The following FARP1 variants were observed in gnomAD, a reference collection of about 807,000 sequenced individuals.
The protein encoded by FARP1 is FERM, ARH/RhoGEF and pleckstrin domain protein 1.
In FARP1, 52 loss-of-function variants were observed where a neutral mutation model predicts 128.8. The observed-to-expected ratio is 0.40, with a 90% CI of 0.32 to 0.51. The LOEUF (loss-of-function observed/expected upper bound fraction) is 0.51. Among genes scored for constraint, FARP1 ranks in the 20% least tolerant of loss-of-function variants. The probability of loss-of-function intolerance (pLI) is 0.45; values close to 1 mark genes in which losing one functional copy is unlikely to be tolerated. For synonymous variants in FARP1, 580 were observed against 551.8 expected, an observed-to-expected ratio of 1.05 and a Z score of -0.72; for missense variants, 1,333 against 1,367.9, an observed-to-expected ratio of 0.97 and a Z score of 0.40.
chr13:98,343,847 C>G lies in FARP1; in HGVS notation c.257C>G (p.Pro86Arg), dbSNP rs138316269. 104 of 1,611,390 alleles carry G rather than the reference C, an allele frequency of 6.5e-5. No individual in the cohort carries two copies. Among genetic ancestry groups the G allele is most frequent in the Non-Finnish European group, 7.6e-5 (90 of 1,178,638 alleles). The change falls in exon 3 of 27, where the codon CCT becomes CGT. Residue 86 changes from proline to arginine, a missense_variant. Physicochemically the swap from Pro to Arg is moderately radical, Grantham distance 103. Coordinates refer to ENST00000319562, the MANE Select transcript of FARP1 (RefSeq NM_005766.4). ...VEGDYFGLEFPDHKKITVWLD... is the reference protein window; with the variant it reads ...VEGDYFGLEFRDHKKITVWLD... ...GGTGACTATTTTGGCCTCGAGTTTC[C>G]TGATCACAAAAAGATCACGGTAGGT...
Position 98,448,437 on chromosome 13 carries a change from C to T in FARP1, c.*120C>T. On this transcript the variant is annotated 3_prime_UTR_variant, in exon 27 of 27. Transcript: ENST00000319562. Reference sequence around the variant, plus strand: ...GAAAATCAAAAACATGGCTTCCCAGCAGCTCTCCTGTCTCCACAGCCGCGT... The same window carrying T: ...GAAAATCAAAAACATGGCTTCCCAGTAGCTCTCCTGTCTCCACAGCCGCGT... The T allele has an allele frequency of 7.2e-6, 6 of 828,330 alleles. No homozygotes were observed. Among genetic ancestry groups the T allele is most frequent in the Non-Finnish European group, 8.1e-6 (4 of 494,358 alleles). 51.3% of individuals were successfully genotyped at this position (828,330 alleles called of 1,614,324 possible). A position where few individuals can be genotyped will look rare whatever the true frequency, so the allele number is the denominator to read the frequency against.
At chr13:98,436,379 C>T (rs1351143003) in intron 19 of FARP1, among the ~76,000 whole-genome samples, 2 of 152,192 alleles carry the variant, frequency 1.3e-5, no homozygotes, top group Non-Finnish European at 2.9e-5. Context: ...GCCATCATCA[C>T]CCAGGAATCA....
intron 9 of FARP1, 110 bp from the exon 10 acceptor site, chr13:98,389,847 T>C (rs1164648133): frequency 9.6e-6 from 10 of 1,045,572 alleles, no homozygotes; most frequent in African/African-American, 1.6e-5. Context: ...TATAATAAAA[T>C]ACACAGCGAA....
chr13:98,407,203 T>G (rs1212688052), intron 13 of FARP1: 1 of 152,668 alleles, frequency 6.6e-6, no homozygotes, highest in Non-Finnish European at 1.5e-5. Flanking sequence ...GCCCCGGATG[T>G]TGCCAGATTA....
chr13:98,386,387 A>G (rs904387346), intron 8 of FARP1, among the ~76,000 whole-genome samples: 1 of 152,126 alleles, frequency 6.6e-6, no homozygotes, highest in African/African-American at 2.4e-5. Context: ...TTAAAGACAT[A>G]ATGATTCTCT....
chr13:98,249,226 T>C (rs1167279091), intron 2 of FARP1, among the ~76,000 whole-genome samples: 1 of 152,110 alleles, frequency 6.6e-6, no homozygotes, highest in Admixed American at 6.5e-5. Flanking sequence ...TGGGTGCTCA[T>C]TTAGACGAAT....
intron 2 of FARP1, among the ~76,000 whole-genome samples, chr13:98,285,069 A>T (rs998908780): frequency 6.6e-6 from 1 of 152,158 alleles, no homozygotes; most frequent in African/African-American, 2.4e-5. Flanking sequence ...AAAAGGTGCG[A>T]GTATTATTAT....
chr13:98,397,163 T>C (rs1370575415), intron 13 of FARP1: 1 of 152,220 alleles, frequency 6.6e-6, no homozygotes, highest in Non-Finnish European at 1.5e-5. Flanking sequence ...TAGGGATTGC[T>C]GGTTTGGTTT....
chr13:98,237,766 T>A (rs1428142922), intron 2 of FARP1, among the ~76,000 whole-genome samples: 6 of 152,184 alleles, frequency 3.9e-5, no homozygotes, highest in Non-Finnish European at 8.8e-5. Context: ...TAGCATAGAT[T>A]GAGGACTGCA....
At chr13:98,181,639 TATTTGA>T (rs914005604) in intron 1 of FARP1, among the ~76,000 whole-genome samples, 17 of 62,546 alleles carry the variant, frequency 2.7e-4, no homozygotes, top group African/African-American at 2.6e-4. Flanking sequence ...TTTATTTATT[TATTTGA>T]GAGAGAGAGA....
At chr13:98,212,331 C>G (rs1880774474) in intron 1 of FARP1, among the ~76,000 whole-genome samples, 1 of 152,200 alleles carries the variant, frequency 6.6e-6, no homozygotes, top group Non-Finnish European at 1.5e-5. Flanking sequence ...GCTGGGATTA[C>G]AGGCGTGAGC....
intron 2 of FARP1, among the ~76,000 whole-genome samples, chr13:98,241,852 G>A (rs1165842179): frequency 6.6e-6 from 1 of 152,154 alleles, no homozygotes; most frequent in African/African-American, 2.4e-5. Context: ...CCAGGAGGTG[G>A]AGGTTGCAGT....
chr13:98,163,020 G>T (rs1278010006), intron 1 of FARP1, among the ~76,000 whole-genome samples: 2 of 152,114 alleles, frequency 1.3e-5, no homozygotes, highest in African/African-American at 2.4e-5. Flanking sequence ...ACATAGGCAC[G>T]TGAATGTTCA....
intron 18 of FARP1, chr13:98,435,267 C>T (rs150899799): frequency 1.1e-3 from 228 of 201,318 alleles, no homozygotes; most frequent in Non-Finnish European, 1.7e-3. Context: ...GGACAAAATT[C>T]AAGGCAGTCT....
At chr13:98,418,304 T>A (rs1347876189) in intron 16 of FARP1, among the ~76,000 whole-genome samples, 1 of 152,070 alleles carries the variant, frequency 6.6e-6, no homozygotes, top group Non-Finnish European at 1.5e-5. Context: ...AGATGGAGTT[T>A]CCCTCTGTCA....
intron 2 of FARP1, among the ~76,000 whole-genome samples, chr13:98,277,141 CA>C (rs1309180996): frequency 1.4e-5 from 2 of 142,422 alleles, no homozygotes; most frequent in Non-Finnish European, 3.1e-5. Context: ...CACACACACA[CA>C]CACACACCCC....
At position 98,213,340 on chromosome 13, in the gene FARP1, C is replaced by T. The variant is rs1323331861; in HGVS notation, c.98C>T (p.Pro33Leu). 4 of 1,614,004 alleles carry T rather than the reference C, an allele frequency of 2.5e-6. No homozygotes were observed. The highest frequency in any genetic ancestry group is 2.2e-5 in the South Asian group (2 of 91,076). Reference sequence around the variant, plus strand: ...TTGGAACGTGGACAGAAGCCGCCCCCAACACCTTCAGGAAAACTCGTGTCC... The same window carrying T: ...TTGGAACGTGGACAGAAGCCGCCCCTAACACCTTCAGGAAAACTCGTGTCC... ...STLERGQKPPPTPSGKLVSIK... is the reference protein window; with the variant it reads ...STLERGQKPPLTPSGKLVSIK... The change falls in exon 2 of 27, where the codon CCA (proline) becomes CTA (leucine). Residue 33 changes from proline to leucine, a missense_variant. Around this residue, in one of 2 missense-constraint regions of FARP1, gnomAD observed 324 missense variants for 398.1 expected, o/e 0.81. Coordinates refer to ENST00000319562, the MANE Select transcript of FARP1 (RefSeq NM_005766.4).
At chr13:98,446,073 T>G in intron 24 of FARP1, 25 bp from the exon 25 acceptor site, 1 of 1,541,468 alleles carries the variant, frequency 6.5e-7, no homozygotes, top group South Asian at 1.1e-5. Context: ...CCGCTGTGCT[T>G]CTCACAGGCC....
At chr13:98,272,264 A>C (rs1006758665) in intron 2 of FARP1, among the ~76,000 whole-genome samples, 1 of 152,160 alleles carries the variant, frequency 6.6e-6, no homozygotes, top group Non-Finnish European at 1.5e-5. Context: ...TCCTGAGCTC[A>C]GGTGATCCGC....
Sources: gnomAD v4.1 joint callset for allele counts (sites outside exome capture counted in the v4.1 genomes callset) on GRCh38, gnomAD v4.1.1 for gene constraint, gnomAD v4.1.1 regional missense constraint, MANE v1.5 for transcripts, NCBI Gene and HGNC (gene_info 2026-07-23, HGNC 2026-07-21) for gene names.